The following MACROD2 variants were observed in gnomAD, a reference collection of about 807,000 sequenced individuals.
The protein encoded by MACROD2 is ADP-ribose glycohydrolase MACROD2.
Under a neutral mutation model 70.4 loss-of-function variants are expected in MACROD2, and 36 were observed. The ratio of observed to expected loss-of-function variants is 0.51; its 90% confidence interval spans 0.39 to 0.68. The LOEUF (loss-of-function observed/expected upper bound fraction) is 0.68, where lower values mean the gene tolerates loss of function less well. MACROD2 is among the 30% of genes least tolerant of loss of function. The pLI is 0.00. For synonymous variants in MACROD2, 172 were observed against 178.8 expected, an observed-to-expected ratio of 0.96 and a Z score of 0.30; for missense variants, 496 against 538.4, an observed-to-expected ratio of 0.92 and a Z score of 0.78.
At chr20:14,668,811 A>C (rs780102684) in intron 4 of MACROD2, among the ~76,000 whole-genome samples, 53 of 152,100 alleles carry the variant, frequency 3.5e-4, no homozygotes, top group Non-Finnish European at 6.3e-4. Flanking sequence ...AGAAGTTATG[A>C]GGGCAAAATC....
intron 5 of MACROD2, among the ~76,000 whole-genome samples, chr20:14,795,965 G>T (rs534711916): frequency 1.4e-4 from 22 of 152,164 alleles, no homozygotes; most frequent in African/African-American, 5.3e-4. Context: ...TCAAGAGACA[G>T]AAGTGTCCAT....
intron 4 of MACROD2, among the ~76,000 whole-genome samples, chr20:14,525,499 G>T (rs1184726672): frequency 2.0e-5 from 3 of 152,344 alleles, no homozygotes; most frequent in African/African-American, 7.2e-5. Context: ...GTGAGGCACA[G>T]TGAAGAAGAG....
At chr20:15,137,640 C>T (rs1172867483) in intron 5 of MACROD2, among the ~76,000 whole-genome samples, 1 of 150,948 alleles carries the variant, frequency 6.6e-6, no homozygotes, top group African/African-American at 2.4e-5. Flanking sequence ...AGCACACCAG[C>T]ATGTCACATG....
intron 5 of MACROD2, among the ~76,000 whole-genome samples, chr20:15,211,456 G>A (rs1392227490): frequency 6.6e-6 from 1 of 152,136 alleles, no homozygotes; most frequent in Non-Finnish European, 1.5e-5. Flanking sequence ...AATGTTGGAG[G>A]TGTGGCCTGG....
chr20:15,591,894 G>A (rs2048685529), intron 8 of MACROD2, among the ~76,000 whole-genome samples: 2 of 152,114 alleles, frequency 1.3e-5, no homozygotes, highest in Admixed American at 1.3e-4. Flanking sequence ...CTGGACCAAA[G>A]TGATTTGGGT....
chr20:14,146,413 A>G (rs1370764409), intron 3 of MACROD2, among the ~76,000 whole-genome samples: 2 of 151,974 alleles, frequency 1.3e-5, no homozygotes, highest in Admixed American at 6.5e-5. Flanking sequence ...CAAACTGTAA[A>G]TTTGTTTTCT....
intron 3 of MACROD2, among the ~76,000 whole-genome samples, chr20:14,208,271 T>C (rs1002756414): frequency 1.3e-5 from 2 of 152,226 alleles, no homozygotes; most frequent in African/African-American, 4.8e-5. Flanking sequence ...GGAGTGATTA[T>C]ATTGTTCTTG....
intron 4 of MACROD2, among the ~76,000 whole-genome samples, chr20:14,650,690 C>T (rs1340840139): frequency 6.6e-6 from 1 of 152,206 alleles, no homozygotes; most frequent in Non-Finnish European, 1.5e-5. Flanking sequence ...TCCTTCTATA[C>T]TGCTTCCCTA....
At chr20:14,593,801 A>T (rs941018935) in intron 4 of MACROD2, among the ~76,000 whole-genome samples, 2 of 152,186 alleles carry the variant, frequency 1.3e-5, no homozygotes, top group Non-Finnish European at 2.9e-5. Context: ...TCATATTTTT[A>T]AAAAAGTGAT....
intron 8 of MACROD2, among the ~76,000 whole-genome samples, chr20:15,615,536 A>G (rs1447732347): frequency 6.6e-6 from 1 of 152,118 alleles, no homozygotes; most frequent in African/African-American, 2.4e-5. Flanking sequence ...TGGCACCCAG[A>G]GATCATCTGT....
chr20:14,089,666 C>A (rs1475127762), intron 3 of MACROD2, among the ~76,000 whole-genome samples: 2 of 152,098 alleles, frequency 1.3e-5, no homozygotes, highest in Non-Finnish European at 2.9e-5. Flanking sequence ...ATTTTGCAGG[C>A]ATTATAGTAC....
chr20:15,850,171 T>C (rs1381277669), intron 8 of MACROD2, among the ~76,000 whole-genome samples: 2 of 152,118 alleles, frequency 1.3e-5, no homozygotes, highest in African/African-American at 4.8e-5. Context: ...CTGTGGATCA[T>C]GCAGAGGTGA....
chr20:14,626,071 G>A (rs557859690), intron 4 of MACROD2, among the ~76,000 whole-genome samples: 1 of 152,144 alleles, frequency 6.6e-6, no homozygotes, highest in East Asian at 1.9e-4. Flanking sequence ...TGATCTGCCC[G>A]CCTCAGCCTC....
intron 5 of MACROD2, among the ~76,000 whole-genome samples, chr20:14,773,751 G>A (rs1194073991): frequency 6.6e-6 from 1 of 151,968 alleles, no homozygotes; most frequent in African/African-American, 2.4e-5. Flanking sequence ...ATCAAGTATG[G>A]TGCCTGTTTT....
At chr20:15,781,356 C>T (rs2051827674) in intron 8 of MACROD2, among the ~76,000 whole-genome samples, 1 of 152,176 alleles carries the variant, frequency 6.6e-6, no homozygotes, top group Non-Finnish European at 1.5e-5. Flanking sequence ...CTATGTGACC[C>T]ATGCAGGGGA....
At chr20:14,007,475 C>T (rs578055129) in intron 2 of MACROD2, among the ~76,000 whole-genome samples, 30 of 152,164 alleles carry the variant, frequency 2.0e-4, no homozygotes, top group African/African-American at 7.0e-4. Context: ...GAGGCATATA[C>T]GTGTGTGTTT....
chr20:15,234,404 G>A (rs2076995583), intron 6 of MACROD2, among the ~76,000 whole-genome samples: 1 of 151,712 alleles, frequency 6.6e-6, no homozygotes, highest in Non-Finnish European at 1.5e-5. Flanking sequence ...ACCATGAAGA[G>A]GATAATTAGC....
intron 5 of MACROD2, among the ~76,000 whole-genome samples, chr20:14,808,588 T>C (rs1177834748): frequency 6.6e-6 from 1 of 152,024 alleles, no homozygotes; most frequent in East Asian, 1.9e-4. Context: ...ATAACAATAT[T>C]AATCTTAAAT....
intron 5 of MACROD2, among the ~76,000 whole-genome samples, chr20:15,032,907 G>T (rs1351665335): frequency 1.3e-5 from 2 of 152,192 alleles, no homozygotes; most frequent in East Asian, 1.9e-4. Flanking sequence ...AAAAGGAATG[G>T]AATTCTGTTA....
Sources: gnomAD v4.1 joint callset for allele counts (sites outside exome capture counted in the v4.1 genomes callset) on GRCh38, gnomAD v4.1.1 for gene constraint, MANE v1.5 for transcripts, NCBI Gene and HGNC (gene_info 2026-07-23, HGNC 2026-07-21) for gene names.